Variants in BANK1 observed in about 807,000 individuals in gnomAD.
BANK1 encodes the protein B cell scaffold protein with ankyrin repeats 1, also known as B-cell scaffold protein with ankyrin repeats.
Under a neutral mutation model 94.5 loss-of-function variants are expected in BANK1, and 95 were observed. The observed-to-expected ratio is 1.00, with a 90% CI of 0.85 to 1.19. The LOEUF is 1.19. BANK1 is among the 50% of genes most tolerant of loss of function. The pLI is 0.00. For synonymous variants in BANK1, 334 were observed against 308.4 expected, an observed-to-expected ratio of 1.08 and a Z score of -0.87; for missense variants, 987 against 932.2, an observed-to-expected ratio of 1.06 and a Z score of -0.77.
At chr4:101,844,541 A>C (rs1727175777) in intron 2 of BANK1, among the ~76,000 whole-genome samples, 2 of 152,230 alleles carry the variant, frequency 1.3e-5, no homozygotes, top group African/African-American at 2.4e-5. Context: ...TGGATCTGCC[A>C]AAGGTCTTTT....
chr4:101,904,041 G>T (rs1031595302), intron 6 of BANK1, among the ~76,000 whole-genome samples: 1 of 152,202 alleles, frequency 6.6e-6, no homozygotes, highest in Non-Finnish European at 1.5e-5. Context: ...ACAAACGTCT[G>T]GAAAATTATG....
At chr4:101,864,103 A>G (rs1727981008) in intron 4 of BANK1, among the ~76,000 whole-genome samples, 1 of 152,222 alleles carries the variant, frequency 6.6e-6, no homozygotes, top group Admixed American at 6.5e-5. Flanking sequence ...TGATTAAACA[A>G]CAAATCTGTA....
rs139708907 is a variant in BANK1, at chr4:101,978,130, A to C, written c.1207-43384A>C. 4.6e-3 allele frequency among the ~76,000 whole-genome samples: 701 copies of C among 151,242 alleles called. 11 individuals are homozygous for C. The East Asian group carries it at 0.057, about 12-fold the overall frequency. On this transcript the variant is annotated intron_variant, in intron 7 of 16. Coordinates refer to ENST00000322953, the MANE Select transcript of BANK1 (RefSeq NM_017935.5). ...TTTCCAAAACATTTTTGAAAGTAAT[A>C]ATAAAAAAGTAGGTACTTAAAAAAA...
intron 11 of BANK1, among the ~76,000 whole-genome samples, chr4:102,050,018 A>G (rs1401594542): frequency 6.6e-6 from 1 of 152,220 alleles, no homozygotes; most frequent in East Asian, 1.9e-4. Flanking sequence ...GGGAGGAGAG[A>G]CACTAACCCC....
At position 101,790,943 on chromosome 4, in the gene BANK1, GC is replaced by G; in HGVS notation, c.68del (p.Pro23GlnfsTer7). Reference sequence around the variant, plus strand: ...CGGACCCCGCCCCCTGCGGCCCAGCGCCCCCAGGTGGGTAGTCGCGCATTCG... The same window carrying G: ...CGGACCCCGCCCCCTGCGGCCCAGCGCCCCAGGTGGGTAGTCGCGCATTCG... ...SPDPAPCGPA[P>X]PGNTKDIIMI... is the part of the protein sequence containing the mutation. On this transcript the variant is annotated frameshift_variant, in exon 1 of 17. Transcript: ENST00000322953. LOFTEE classifies it high-confidence loss of function. 1.3e-6 allele frequency: 2 copies of G among 1,519,786 alleles called. No homozygotes were observed. The highest frequency in any genetic ancestry group is 1.4e-5 in the African/African-American group (1 of 71,746). The allele number at this position is 1,519,786 out of a possible 1,614,324, so 94.1% of individuals were successfully genotyped here. A position where few individuals can be genotyped will look rare whatever the true frequency, so the allele number is the denominator to read the frequency against.
At chr4:101,976,596 G>A (rs1035556799) in intron 7 of BANK1, among the ~76,000 whole-genome samples, 1 of 152,014 alleles carries the variant, frequency 6.6e-6, no homozygotes, top group African/African-American at 2.4e-5. Context: ...GTCCAGGTTT[G>A]CTCCCTTCAC....
Position 101,975,464 on chromosome 4 carries a change from A to G in BANK1, c.1207-46050A>G, listed in dbSNP as rs556888083. On this transcript the variant is annotated intron_variant, in intron 7 of 16. Coordinates refer to ENST00000322953, the MANE Select transcript of BANK1 (RefSeq NM_017935.5). ...AGAGAGATTGTAGAATATGGTGGTTAGAGCATGGAATGTGCAGGCAGACTT... is the reference window on the plus strand; with the variant it reads ...AGAGAGATTGTAGAATATGGTGGTTGGAGCATGGAATGTGCAGGCAGACTT... Among the ~76,000 whole-genome samples the G allele has an allele frequency of 3.2e-4, 49 of 152,314 alleles. 2 individuals are homozygous for G. The highest frequency in any genetic ancestry group is 3.1e-3 in the Admixed American group (48 of 15,284).
At chr4:102,053,386 C>T (rs1354682068) in intron 11 of BANK1, among the ~76,000 whole-genome samples, 4 of 151,924 alleles carry the variant, frequency 2.6e-5, no homozygotes, top group Admixed American at 2.0e-4. Context: ...TGAGCAAGTA[C>T]TTTAACTTAC....
intron 6 of BANK1, among the ~76,000 whole-genome samples, chr4:101,911,097 A>G (rs2148897505): frequency 6.6e-6 from 1 of 152,306 alleles, no homozygotes; most frequent in East Asian, 1.9e-4. Flanking sequence ...TCTCCACTTT[A>G]CAGATGAGAA....
At chr4:101,900,243 T>C (rs1279744482) in intron 6 of BANK1, among the ~76,000 whole-genome samples, 3 of 152,282 alleles carry the variant, frequency 2.0e-5, no homozygotes, top group South Asian at 2.1e-4. Flanking sequence ...ATGAAACTTA[T>C]TTAAGTCACT....
At chr4:101,816,857 C>CATAATA (rs1463639995) in intron 1 of BANK1, among the ~76,000 whole-genome samples, 2 of 152,126 alleles carry the variant, frequency 1.3e-5, no homozygotes, top group Non-Finnish European at 2.9e-5. Flanking sequence ...AGACATTAAT[C>CATAATA]TCAGTCTGGA....
chr4:102,022,107 AACGTGTATATAT>A (rs1232761784), intron 8 of BANK1, among the ~76,000 whole-genome samples: 1 of 151,908 alleles, frequency 6.6e-6, no homozygotes, highest in African/African-American at 2.4e-5. Context: ...TGTATATATA[AACGTGTATATAT>A]ACGCGTTTAT....
intron 7 of BANK1, among the ~76,000 whole-genome samples, chr4:101,986,897 G>GTATATATATATATATATATATA (rs1377407537): frequency 5.2e-5 from 3 of 58,034 alleles, no homozygotes; most frequent in South Asian, 1.4e-3. Context: ...GTGTGTGTGT[G>GTATATATATATATATATATATA]TGTATATATA....
In BANK1 at chr4:101,870,643, A is replaced by C. The variant is rs1240757331; in HGVS notation, c.902A>C (p.Gln301Pro). Residue 301 changes from glutamine (Q) to proline (P), a missense_variant and splice_region_variant, in exon 5 of 17, where the codon CAG becomes CCG. Coordinates refer to ENST00000322953, the MANE Select transcript of BANK1 (RefSeq NM_017935.5). ...GCAGATTCAGGAGAGAGTTTGTGCC[A>C]GGTAAGTTAATCTTTCCACGAAGTT... ...RMADSGESLC[Q>P]NSIEELDGVL... 1.2e-6 allele frequency: 2 copies of C among 1,608,730 alleles called. No individual in the cohort carries two copies. The highest frequency in any genetic ancestry group is 3.4e-5 in the Admixed American group (2 of 58,818).
intron 3 of BANK1, among the ~76,000 whole-genome samples, chr4:101,862,163 A>G (rs1727900785): frequency 6.6e-6 from 1 of 152,168 alleles, no homozygotes; most frequent in South Asian, 2.1e-4. Context: ...TGATTTGGTT[A>G]ACAGCTGAAT....
chr4:102,046,584 A>G (rs1020487585), intron 11 of BANK1, among the ~76,000 whole-genome samples: 8 of 152,116 alleles, frequency 5.3e-5, no homozygotes, highest in Non-Finnish European at 1.2e-4. Context: ...AGGGGCTAGC[A>G]TGAGTTTTCT....
chr4:101,979,599 A>C (rs1725257727), intron 7 of BANK1, among the ~76,000 whole-genome samples: 2 of 151,894 alleles, frequency 1.3e-5, no homozygotes, highest in African/African-American at 4.8e-5. Context: ...GATCACTAAA[A>C]CAAAATCGTG....
At chr4:101,927,307 G>A (rs1723193741) in intron 7 of BANK1, among the ~76,000 whole-genome samples, 1 of 151,592 alleles carries the variant, frequency 6.6e-6, no homozygotes, top group African/African-American at 2.4e-5. Flanking sequence ...GGGGAAAACT[G>A]CCTCATGATC....
At chr4:101,859,792 C>A (rs972794593) in intron 3 of BANK1, among the ~76,000 whole-genome samples, 3 of 152,014 alleles carry the variant, frequency 2.0e-5, no homozygotes, top group African/African-American at 4.8e-5. Flanking sequence ...AATGTTTTTA[C>A]GTGAATAATT....
Sources: allele counts gnomAD v4.1 joint callset (sites outside exome capture counted in the v4.1 genomes callset), GRCh38; gene constraint gnomAD v4.1.1; transcripts MANE v1.5; gene names NCBI Gene and HGNC (gene_info 2026-07-23, HGNC 2026-07-21).